The following ARL2BP variants were observed in gnomAD, a reference collection of about 807,000 sequenced individuals.
ARL2BP encodes ADP-ribosylation factor-like protein 2-binding protein.
A neutral mutation model predicts 24.2 loss-of-function variants in ARL2BP; 19 were observed. That is an observed-to-expected ratio of 0.79 (90% CI 0.55 to 1.15). The LOEUF (loss-of-function observed/expected upper bound fraction) is 1.15, where lower values mean the gene tolerates loss of function less well. Ranked by LOEUF, ARL2BP falls within the 50% of genes most tolerant of loss-of-function variation. ARL2BP has a pLI of 0.00. For missense variants in ARL2BP, 160 were observed against 190.4 expected (o/e 0.84, Z 0.94); for synonymous variants, 56 against 70.5 (o/e 0.79, Z 1.03).
At chr16:57,248,977 C>A in intron 3 of ARL2BP, 1 of 157,532 alleles carries the variant, frequency 6.3e-6, no homozygotes, top group Non-Finnish European at 1.4e-5. Flanking sequence ...GCCTGGGCAA[C>A]ACAGCAAGAT....
chr16:57,249,607 CA>C (rs1423355812), intron 3 of ARL2BP, 159 bp from the exon 4 acceptor site: 3 of 625,564 alleles, frequency 4.8e-6, no homozygotes, highest in Non-Finnish European at 8.6e-6. Flanking sequence ...TTCTCCAGGA[CA>C]GGAGCTGTGT....
At chr16:57,252,032 C>T in intron 5 of ARL2BP, 134 bp from the exon 6 acceptor site, 1 of 678,044 alleles carries the variant, frequency 1.5e-6, no homozygotes. Context: ...GCAGAATAAC[C>T]AATAACCTGT....
chr16:57,245,854 A>G, intron 1 of ARL2BP: 2 of 584,324 alleles, frequency 3.4e-6, no homozygotes, highest in Admixed American at 3.1e-5. Context: ...AGTTTTTATT[A>G]AAGTGGAGTC....
In ARL2BP at chr16:57,253,564, A is replaced by G. The variant is rs2075415415; in HGVS notation, c.*1297A>G. On this transcript the variant is annotated 3_prime_UTR_variant, in exon 6 of 6. Coordinates refer to ENST00000219204, the MANE Select transcript of ARL2BP (RefSeq NM_012106.4). ...CTACAAGCTCTGTGTTTCTGTACTG[A>G]TGTGTCACTTATTAAATACTTTTGT... 3 of 152,154 alleles carry G rather than the reference A, an allele frequency of 2.0e-5. No homozygotes were observed. The highest frequency in any genetic ancestry group is 7.2e-5 in the African/African-American group (3 of 41,488). 9.4% of individuals were successfully genotyped at this position (152,154 alleles called of 1,614,324 possible).
chr16:57,248,165 T>G (rs2075395876), intron 2 of ARL2BP: 1 of 151,896 alleles, frequency 6.6e-6, no homozygotes, highest in Admixed American at 6.6e-5. Context: ...AATACAAAAT[T>G]AGGCTGGCGA....
chr16:57,248,326 A>G (rs1222325692), intron 2 of ARL2BP: 3 of 223,526 alleles, frequency 1.3e-5, no homozygotes, highest in African/African-American at 2.4e-5. Context: ...AAAAAAAAAA[A>G]AAAAAAAAAA....
Position 57,252,266 on chromosome 16 carries a change from A to G in ARL2BP, c.491A>G (p.Ter164TrpextTer22). 3 of 1,614,228 alleles carry G rather than the reference A, an allele frequency of 1.9e-6. No homozygotes were observed. Among genetic ancestry groups the G allele is most frequent in the Non-Finnish European group, 2.5e-6 (3 of 1,180,028 alleles). ...LPASQNNLRH* is the reference protein window; with the variant it reads ...LPASQNNLRHW ...GCTTCCCAGAACAATCTGCGGCACT[A>G]GGTCCTACCTCCAGCCAATGAATGG... Residue 164 changes from the stop codon to tryptophan (W), a stop_lost, in exon 6 of 6, where the codon TAG becomes TGG. Transcript: ENST00000219204.
In ARL2BP at chr16:57,245,265, CT is replaced by C; in HGVS notation, c.-102del. 7.1e-7 allele frequency: 1 copy of C among 1,413,006 alleles called. No homozygotes were observed. 87.5% of individuals were successfully genotyped at this position (1,413,006 alleles called of 1,614,324 possible). On this transcript the variant is annotated 5_prime_UTR_variant, in exon 1 of 6. Coordinates refer to ENST00000219204, the MANE Select transcript of ARL2BP (RefSeq NM_012106.4). ...GGCGCTGACCCGACCTGGCAGTGAGCTGGCCGCGGCCTTGGCTGAGAGGCCT... is the reference window on the plus strand; with the variant it reads ...GGCGCTGACCCGACCTGGCAGTGAGCGGCCGCGGCCTTGGCTGAGAGGCCT...
chr16:57,245,357 G>A lies in ARL2BP; in HGVS notation c.-11G>A. The A allele has an allele frequency of 6.2e-7, 1 of 1,605,118 alleles. No homozygotes were observed. The highest frequency in any genetic ancestry group is 8.5e-7 in the Non-Finnish European group (1 of 1,176,824). ...CGCGGGCGGGGTTGGAGCCTACTCGGGGCGACTGCGATGGACGCCTTAGAA... is the reference window on the plus strand; with the variant it reads ...CGCGGGCGGGGTTGGAGCCTACTCGAGGCGACTGCGATGGACGCCTTAGAA... On this transcript the variant is annotated 5_prime_UTR_variant, in exon 1 of 6. Transcript: ENST00000219204.
chr16:57,248,367 G>A, intron 2 of ARL2BP, 170 bp from the exon 3 acceptor site: 1 of 383,040 alleles, frequency 2.6e-6, no homozygotes. Flanking sequence ...AGGAGGATTG[G>A]GCTATTTCCA....
intron 1 of ARL2BP, chr16:57,245,733 C>A: frequency 2.0e-6 from 1 of 509,756 alleles, no homozygotes; most frequent in Non-Finnish European, 3.5e-6. Flanking sequence ...CCCTGGCCCC[C>A]GCCTCCCGGA....
At chr16:57,249,488 T>C in intron 3 of ARL2BP, 1 of 439,096 alleles carries the variant, frequency 2.3e-6, no homozygotes. Flanking sequence ...CTGCACTGGG[T>C]TGTGGGTGTG....
intron 2 of ARL2BP, 33 bp downstream of exon 2, chr16:57,246,174 G>T (rs1362997058): frequency 1.3e-6 from 2 of 1,588,786 alleles, no homozygotes; most frequent in African/African-American, 2.7e-5. Context: ...TTAAGGACTT[G>T]CTTGTTTCTT....
chr16:57,250,331 G>A, intron 4 of ARL2BP, 80 bp from the exon 5 acceptor site: 1 of 1,248,808 alleles, frequency 8.0e-7, no homozygotes, highest in Non-Finnish European at 1.2e-6. Flanking sequence ...TGGGGCTGGG[G>A]TGGTGGAAAG....
Position 57,252,223 on chromosome 16 carries a change from A to C in ARL2BP, c.448A>C (p.Lys150Gln). The change falls in exon 6 of 6, where the codon AAA becomes CAA. Residue 150 changes from lysine (K) to glutamine (Q), a missense_variant. Coordinates refer to ENST00000219204, the MANE Select transcript of ARL2BP (RefSeq NM_012106.4). ...TGGCTTAGTGGTGACTTCATTGTGC[A>C]AATCATCTTCTCTGCCAGCTTCCCA... ...SSGLVVTSLC[K>Q]SSSLPASQNN... The C allele has an allele frequency of 6.2e-7, 1 of 1,614,196 alleles. No homozygotes were observed. Among genetic ancestry groups the C allele is most frequent in the African/African-American group, 1.3e-5 (1 of 75,046 alleles).
intron 5 of ARL2BP, 84 bp from the exon 6 acceptor site, chr16:57,252,082 T>G: frequency 8.1e-7 from 1 of 1,240,742 alleles, no homozygotes; most frequent in Admixed American, 1.9e-5. Context: ...CGTTCCCACC[T>G]TCAGCTCTGC....
At chr16:57,248,420 C>T in intron 2 of ARL2BP, 117 bp from the exon 3 acceptor site, 1 of 494,642 alleles carries the variant, frequency 2.0e-6, no homozygotes, top group South Asian at 4.5e-5. Flanking sequence ...ATCAGCTTTC[C>T]TTCCAGAGAC....
chr16:57,252,032 C>G, intron 5 of ARL2BP, 134 bp from the exon 6 acceptor site: 1 of 678,044 alleles, frequency 1.5e-6, no homozygotes. Context: ...GCAGAATAAC[C>G]AATAACCTGT....
rs1329099501 is a variant in ARL2BP, at chr16:57,253,062, T to A, written c.*795T>A. On this transcript the variant is annotated 3_prime_UTR_variant, in exon 6 of 6. Transcript: ENST00000219204. Reference sequence around the variant, plus strand: ...ATATGCTGTGTGCTTTTTAGGTGTTTGTTAGTACTGTGAAGGCAAAAATGC... The same window carrying A: ...ATATGCTGTGTGCTTTTTAGGTGTTAGTTAGTACTGTGAAGGCAAAAATGC... 6.6e-6 allele frequency: 1 copy of A among 152,658 alleles called. No homozygotes were observed. Among genetic ancestry groups the A allele is most frequent in the Non-Finnish European group, 1.5e-5 (1 of 68,042 alleles). 9.5% of individuals were successfully genotyped at this position (152,658 alleles called of 1,614,324 possible).
Sources: gnomAD v4.1 joint callset for allele counts on GRCh38, gnomAD v4.1.1 for gene constraint, MANE v1.5 for transcripts, NCBI Gene and HGNC (gene_info 2026-07-23, HGNC 2026-07-21) for gene names.